Variants in TMEM117 observed in about 807,000 individuals in gnomAD.
The protein encoded by TMEM117 is transmembrane protein 117.
A neutral mutation model predicts 52.4 loss-of-function variants in TMEM117; 27 were observed. The ratio of observed to expected loss-of-function variants is 0.51; its 90% CI spans 0.38 to 0.71. TMEM117 has a LOEUF of 0.71. TMEM117 is among the 30% of genes least tolerant of loss of function. The probability of loss-of-function intolerance (pLI) is 0.00; values close to 1 mark genes in which losing one functional copy is unlikely to be tolerated. For missense variants in TMEM117, 556 were observed against 630.5 expected, an observed-to-expected ratio of 0.88 and a Z score of 1.26; for synonymous variants, 215 against 206.3, an observed-to-expected ratio of 1.04 and a Z score of -0.36.
At chr12:43,935,089 C>A (rs941079249) in intron 2 of TMEM117, among the ~76,000 whole-genome samples, 1 of 152,110 alleles carries the variant, frequency 6.6e-6, no homozygotes, top group African/African-American at 2.4e-5. Flanking sequence ...CTCACTGCAG[C>A]CTCAACCTCC....
chr12:43,893,905 C>T (rs1371386917), intron 2 of TMEM117, among the ~76,000 whole-genome samples: 1 of 152,186 alleles, frequency 6.6e-6, no homozygotes, highest in Non-Finnish European at 1.5e-5. Flanking sequence ...TATTCACTCA[C>T]AAGTTTGGCA....
intron 5 of TMEM117, among the ~76,000 whole-genome samples, chr12:44,295,059 A>G (rs1429444690): frequency 5.3e-5 from 8 of 152,154 alleles, no homozygotes; most frequent in Non-Finnish European, 1.2e-4. Context: ...GGATGTCTGT[A>G]TCCCTCTGGG....
intron 3 of TMEM117, among the ~76,000 whole-genome samples, chr12:44,124,892 G>A (rs543700813): frequency 6.6e-6 from 1 of 152,226 alleles, no homozygotes; most frequent in Admixed American, 6.5e-5. Flanking sequence ...GCCAGGTTTT[G>A]ATATCTTGAG....
chr12:43,889,081 G>A (rs1944053143), intron 2 of TMEM117, among the ~76,000 whole-genome samples: 1 of 139,048 alleles, frequency 7.2e-6, no homozygotes, highest in African/African-American at 3.1e-5. Flanking sequence ...TCAGGCGTTG[G>A]ATTCTTTTTT....
intron 5 of TMEM117, among the ~76,000 whole-genome samples, chr12:44,255,762 A>T (rs1451028560): frequency 6.6e-6 from 1 of 152,090 alleles, no homozygotes; most frequent in Non-Finnish European, 1.5e-5. Context: ...ACTGGCAAAA[A>T]ATCAACCACT....
Position 44,257,808 on chromosome 12 carries a change from A to T in TMEM117, c.609-41772A>T, listed in dbSNP as rs934514039. 3.9e-5 allele frequency among the ~76,000 whole-genome samples: 6 copies of T among 152,260 alleles called. No homozygotes were observed. The East Asian group carries it at 1.2e-3, about 29-fold the overall frequency. On this transcript the variant is annotated intron_variant, in intron 5 of 7. Coordinates refer to ENST00000266534, the MANE Select transcript of TMEM117 (RefSeq NM_032256.3). ...ATCATATGCAATAAGGAGGAAATTTATGAGAAAATATGGTGTTTCTATTTT... is the reference window on the plus strand; with the variant it reads ...ATCATATGCAATAAGGAGGAAATTTTTGAGAAAATATGGTGTTTCTATTTT...
At chr12:43,880,831 C>A (rs377357960) in intron 2 of TMEM117, among the ~76,000 whole-genome samples, 2 of 152,162 alleles carry the variant, frequency 1.3e-5, no homozygotes, top group East Asian at 3.8e-4. Flanking sequence ...ACCTTATGGC[C>A]TAATAAGAAG....
chr12:43,949,178 C>A lies in TMEM117; in HGVS notation c.410+4836C>A, dbSNP rs143654649. Among the ~76,000 whole-genome samples the A allele has an allele frequency of 2.4e-4, 36 of 152,174 alleles. No homozygotes were observed. The East Asian group carries it at 3.9e-3, about 16-fold the overall frequency. ...CATAAGGCAGAGTGAGAGACTGAGA[C>A]AAGTTTCAGAGCAAGAGTGAGAGTT... On this transcript the variant is annotated intron_variant, in intron 3 of 7. Coordinates refer to ENST00000266534, the MANE Select transcript of TMEM117 (RefSeq NM_032256.3).
chr12:43,994,985 T>A (rs1409410411), intron 3 of TMEM117, among the ~76,000 whole-genome samples: 1 of 152,108 alleles, frequency 6.6e-6, no homozygotes, highest in African/African-American at 2.4e-5. Context: ...CTTCAGAAAT[T>A]AAGGAATTCG....
intron 2 of TMEM117, among the ~76,000 whole-genome samples, chr12:43,871,978 T>C (rs1481918173): frequency 6.6e-6 from 1 of 152,160 alleles, no homozygotes; most frequent in Non-Finnish European, 1.5e-5. Context: ...ACTGCAGCTT[T>C]GACCCCCTGG....
intron 4 of TMEM117, among the ~76,000 whole-genome samples, chr12:44,148,596 CAG>C (rs1254289842): frequency 2.0e-5 from 3 of 151,830 alleles, no homozygotes; most frequent in African/African-American, 7.3e-5. Context: ...TGTATTTTTT[CAG>C]AGAGATTTTA....
At chr12:43,994,710 C>G (rs1187009258) in intron 3 of TMEM117, among the ~76,000 whole-genome samples, 1 of 151,906 alleles carries the variant, frequency 6.6e-6, no homozygotes, top group Non-Finnish European at 1.5e-5. Context: ...TTATCCTTTT[C>G]TCATAGTGAA....
At chr12:44,224,083 A>G (rs1407274006) in intron 5 of TMEM117, among the ~76,000 whole-genome samples, 1 of 152,064 alleles carries the variant, frequency 6.6e-6, no homozygotes, top group Non-Finnish European at 1.5e-5. Flanking sequence ...TATGAAGAAA[A>G]GACCTTTAAC....
Position 43,944,303 on chromosome 12 carries a change from A to G in TMEM117, c.371A>G (p.His124Arg). The G allele has an allele frequency of 1.3e-5, 21 of 1,612,870 alleles. No homozygotes were observed. Among genetic ancestry groups the G allele is most frequent in the Non-Finnish European group, 1.7e-5 (20 of 1,179,030 alleles). The change falls in exon 3 of 8, where the codon CAC becomes CGC. Residue 124 changes from histidine (H) to arginine (R), a missense_variant. Transcript: ENST00000266534. ...ATTCTCTTTCTCTTCATATTTTCTC[A>G]CATATACAACACGATTCTTCTAATG... ...STILFLFIFS[H>R]IYNTILLMDG... is the part of the protein sequence containing the mutation.
chr12:43,814,888 GCACC>G, the TMEM117 span, among the ~76,000 whole-genome samples: 2 of 152,000 alleles, frequency 1.3e-5, no homozygotes, highest in Non-Finnish European at 2.9e-5. Context: ...GGGATTACAG[GCACC>G]CGCCACCATG....
intron 4 of TMEM117, among the ~76,000 whole-genome samples, chr12:44,145,152 G>T (rs894571258): frequency 2.0e-5 from 3 of 152,158 alleles, no homozygotes; most frequent in East Asian, 3.9e-4. Flanking sequence ...GCGAGACTCC[G>T]TCTCAAAAAG....
At chr12:44,214,101 T>C (rs1425295037) in intron 5 of TMEM117, among the ~76,000 whole-genome samples, 2 of 151,462 alleles carry the variant, frequency 1.3e-5, no homozygotes, top group African/African-American at 4.8e-5. Flanking sequence ...ATCACTCAGG[T>C]CTATATATCA....
At position 43,870,559 on chromosome 12, in the gene TMEM117, A is replaced by G. The variant is rs920967241; in HGVS notation, c.277+25631A>G. Among the ~76,000 whole-genome samples the G allele has an allele frequency of 4.0e-5, 6 of 151,166 alleles. No homozygotes were observed. The East Asian group carries it at 6.0e-4, about 15-fold the overall frequency. ...CAGGCGTGAGCCACTGTGCCCGGCC[A>G]TGTGCATGTGTCTTTATAATAGAAC... On this transcript the variant is annotated intron_variant, in intron 2 of 7. Coordinates refer to ENST00000266534, the MANE Select transcript of TMEM117 (RefSeq NM_032256.3).
intron 3 of TMEM117, among the ~76,000 whole-genome samples, chr12:44,057,285 G>A (rs547825013): frequency 3.9e-5 from 6 of 152,224 alleles, no homozygotes; most frequent in African/African-American, 7.2e-5. Flanking sequence ...TCATGGTCCC[G>A]TGAATTTCTG....
Sources: gnomAD v4.1 joint callset for allele counts (sites outside exome capture counted in the v4.1 genomes callset) on GRCh38, gnomAD v4.1.1 for gene constraint, MANE v1.5 for transcripts, NCBI Gene and HGNC (gene_info 2026-07-23, HGNC 2026-07-21) for gene names.